The following CACNA1D variants were observed in gnomAD, a reference collection of about 807,000 sequenced individuals.
CACNA1D encodes calcium voltage-gated channel subunit alpha1 D, also known as voltage-dependent L-type calcium channel subunit alpha-1D.
In CACNA1D, 55 loss-of-function variants were observed where a neutral mutation model predicts 257.1. The observed-to-expected ratio is 0.21, with a 90% CI of 0.17 to 0.27. The LOEUF (loss-of-function observed/expected upper bound fraction) is 0.27, where lower values mean the gene tolerates loss of function less well. CACNA1D is among the 10% of genes least tolerant of loss of function. The pLI, the probability that CACNA1D is intolerant of heterozygous loss-of-function variation, is 1.00. For synonymous variants in CACNA1D, 980 were observed against 1,014.9 expected, an observed-to-expected ratio of 0.97 and a Z score of 0.65; for missense variants, 1,876 against 2,784.0, an observed-to-expected ratio of 0.67 and a Z score of 7.34.
chr3:53,691,678 TATATATATTGCAG>T (rs1199583860), intron 8 of CACNA1D, among the ~76,000 whole-genome samples: 1 of 124,142 alleles, frequency 8.1e-6, no homozygotes, highest in Non-Finnish European at 1.7e-5. Context: ...ATATATGTAA[TATATATATTGCAG>T]ATATATATTA....
chr3:53,687,531 A>G (rs1336423430), intron 8 of CACNA1D, among the ~76,000 whole-genome samples: 1 of 149,430 alleles, frequency 6.7e-6, no homozygotes, highest in East Asian at 2.0e-4. Context: ...AAAAAAAAAA[A>G]TAAGCTGGAG....
At chr3:53,691,801 A>C (rs566160220) in intron 8 of CACNA1D, among the ~76,000 whole-genome samples, 93 of 87,386 alleles carry the variant, frequency 1.1e-3, no homozygotes, top group African/African-American at 3.9e-3. Flanking sequence ...TATATTACAT[A>C]TATAATATAT....
At chr3:53,759,401 G>A (rs2095286748) in intron 29 of CACNA1D, among the ~76,000 whole-genome samples, 1 of 152,218 alleles carries the variant, frequency 6.6e-6, no homozygotes, top group Non-Finnish European at 1.5e-5. Context: ...CATGTGGTGG[G>A]TTTGGCCTTT....
chr3:53,665,003 C>T (rs1213010532), intron 5 of CACNA1D, among the ~76,000 whole-genome samples: 1 of 152,212 alleles, frequency 6.6e-6, no homozygotes, highest in African/African-American at 2.4e-5. Flanking sequence ...CAGTAGATAA[C>T]CTCAATGAGC....
rs1056519192 is a variant in CACNA1D at position 53,658,455 on chromosome 3, T to C, written c.624-1678T>C. Among the ~76,000 whole-genome samples, 68 of 152,152 alleles carry C rather than the reference T, an allele frequency of 4.5e-4. 1 individual carries two copies. Among genetic ancestry groups the C allele is most frequent in the Middle Eastern group, 3.2e-3 (1 of 316 alleles). On this transcript the variant is annotated intron_variant, in intron 4 of 47. Transcript: ENST00000350061. The stretch of plus-strand genomic sequence containing the variant: ...CCTCTTTGGTGGCAAGAGAGAGACA[T>C]TTTTCATGTGTTTTCAAGGACATTG...
intron 3 of CACNA1D, among the ~76,000 whole-genome samples, chr3:53,510,806 C>T (rs1435802579): frequency 6.6e-6 from 1 of 152,140 alleles, no homozygotes; most frequent in Non-Finnish European, 1.5e-5. Flanking sequence ...GCATCTGGAG[C>T]ATCTGGTTAG....
chr3:53,718,690 G>A, intron 10 of CACNA1D: 2 of 1,557,498 alleles, frequency 1.3e-6, no homozygotes, highest in Non-Finnish European at 1.7e-6. Context: ...AGGTGCTGGT[G>A]GAGACGGAGA....
intron 3 of CACNA1D, among the ~76,000 whole-genome samples, chr3:53,638,207 A>G (rs2093908504): frequency 6.6e-6 from 1 of 152,172 alleles, no homozygotes; most frequent in Non-Finnish European, 1.5e-5. Context: ...GCCCTCTTTC[A>G]CCTTCTGACT....
At chr3:53,609,540 A>T (rs2093557063) in intron 3 of CACNA1D, among the ~76,000 whole-genome samples, 1 of 152,080 alleles carries the variant, frequency 6.6e-6, no homozygotes, top group Admixed American at 6.6e-5. Context: ...CATCTAAGGC[A>T]TCAAATTTAT....
At chr3:53,700,396 A>G (rs140274709) in intron 8 of CACNA1D, among the ~76,000 whole-genome samples, 67 of 152,296 alleles carry the variant, frequency 4.4e-4, no homozygotes, top group African/African-American at 1.5e-3. Context: ...AACAGATTAT[A>G]TAATTCATTT....
chr3:53,651,361 A>ATTTTATTTTTTTTTTTTTTTT (rs1576235107), intron 4 of CACNA1D, among the ~76,000 whole-genome samples: 1 of 57,168 alleles, frequency 1.7e-5, no homozygotes, highest in African/African-American at 7.9e-5. Context: ...AAAGCTATTA[A>ATTTTATTTTTTTTTTTTTTTT]TTTTCTTTTT....
In CACNA1D at chr3:53,772,889, T is replaced by C. The variant is rs906495990; in HGVS notation, c.4101T>C (p.Ile1367=). 6.2e-7 allele frequency: 1 copy of C among 1,613,824 alleles called. No homozygotes were observed. Among genetic ancestry groups the C allele is most frequent in the African/African-American group, 1.3e-5 (1 of 74,900 alleles). ...TGCTGTTCTTCATCTATGCGGTCATTGGCATGCAGGTAAGCTCCAGCCATC... is the reference window on the plus strand; with the variant it reads ...TGCTGTTCTTCATCTATGCGGTCATCGGCATGCAGGTAAGCTCCAGCCATC... The part of the protein sequence containing the change: ...IAMLFFIYAV[I]GMQMFGKVAM... The change falls in exon 33 of 48, where the codon ATT becomes ATC. Residue 1367 remains isoleucine, a synonymous_variant. Transcript: ENST00000350061.
chr3:53,520,237 C>T (rs547662748), intron 3 of CACNA1D, among the ~76,000 whole-genome samples: 15 of 152,284 alleles, frequency 9.9e-5, no homozygotes, highest in Non-Finnish European at 2.1e-4. Flanking sequence ...AAAGCAGCTG[C>T]GCCATTTTAC....
intron 8 of CACNA1D, among the ~76,000 whole-genome samples, chr3:53,674,493 G>A (rs1039918175): frequency 2.0e-5 from 3 of 152,296 alleles, no homozygotes; most frequent in South Asian, 2.1e-4. Flanking sequence ...ATTCAGTCAC[G>A]ATTTTTGAAG....
chr3:53,671,655 C>T (rs888046531), intron 7 of CACNA1D, among the ~76,000 whole-genome samples: 4 of 152,164 alleles, frequency 2.6e-5, no homozygotes, highest in African/African-American at 9.7e-5. Context: ...TTAAGCACAT[C>T]AATTTTCATG....
chr3:53,654,925 A>T (rs192304356), intron 4 of CACNA1D, among the ~76,000 whole-genome samples: 386 of 152,322 alleles, frequency 2.5e-3, no homozygotes, highest in African/African-American at 7.2e-3. Context: ...GACAGGACAA[A>T]TAGAAAACAA....
chr3:53,771,499 G>T (rs1559658828), intron 32 of CACNA1D, among the ~76,000 whole-genome samples: 2 of 152,274 alleles, frequency 1.3e-5, no homozygotes, highest in South Asian at 2.1e-4. Flanking sequence ...CAGCAAGCGG[G>T]GTGGTGCAGG....
At chr3:53,541,805 T>G (rs57659261) in intron 3 of CACNA1D, among the ~76,000 whole-genome samples, 2,197 of 152,212 alleles carry the variant, frequency 0.014, 44 homozygotes, top group African/African-American at 0.05. Flanking sequence ...AGGGGAGTTG[T>G]GATGTAGTGT....
At chr3:53,633,767 C>CT in intron 3 of CACNA1D, among the ~76,000 whole-genome samples, 1 of 152,286 alleles carries the variant, frequency 6.6e-6, no homozygotes, top group Admixed American at 6.5e-5. Flanking sequence ...TATCTGTACC[C>CT]TGATATGTCT....
Sources: allele counts gnomAD v4.1 joint callset (sites outside exome capture counted in the v4.1 genomes callset), GRCh38; gene constraint gnomAD v4.1.1; transcripts MANE v1.5; gene names NCBI Gene and HGNC (gene_info 2026-07-23, HGNC 2026-07-21).